The following CSNK1D variants were observed in gnomAD, a reference collection of about 807,000 sequenced individuals.
The protein encoded by CSNK1D is casein kinase 1 delta.
A neutral mutation model predicts 46.6 loss-of-function variants in CSNK1D; 16 were observed. The ratio of observed to expected loss-of-function variants is 0.34; its 90% confidence interval spans 0.23 to 0.52. CSNK1D has a LOEUF of 0.52. CSNK1D is among the 20% of genes least tolerant of loss of function. The pLI, the probability that CSNK1D is intolerant of heterozygous loss-of-function variation, is 0.95. For missense variants in CSNK1D, 398 were observed against 578.4 expected (o/e 0.69, Z 3.20); for synonymous variants, 276 against 228.2 (o/e 1.21, Z -1.89).
intron 8 of CSNK1D, chr17:82,247,899 A>T (rs1365994181): frequency 2.0e-6 from 2 of 985,334 alleles, no homozygotes; most frequent in South Asian, 9.4e-5. Context: ...CGTGCAGTAA[A>T]ACCCCAATCA....
chr17:82,264,093 C>T (rs970971548), intron 2 of CSNK1D, among the ~76,000 whole-genome samples: 4 of 152,256 alleles, frequency 2.6e-5, no homozygotes, highest in Admixed American at 2.0e-4. Flanking sequence ...GCACAGATTA[C>T]GTGCTTGTGC....
rs1354649209 is a variant in CSNK1D, at chr17:82,273,012, A to G, written c.76+294T>C. ...GCCCCTACCCAGGTCGGCTCCCCAG[A>G]GACCATGCCCCACCCCGGGTCAGCT... On this transcript the variant is annotated intron_variant, in intron 1 of 8. Transcript: ENST00000314028. The surrounding 1 kb of genome is among the most constrained non-coding windows in gnomAD (Gnocchi z 5.1). 3.2e-6 allele frequency: 1 copy of G among 309,220 alleles called. No individual in the cohort carries two copies. The highest frequency in any genetic ancestry group is 7.6e-5 in the East Asian group (1 of 13,210). 19.2% of individuals were successfully genotyped at this position (309,220 alleles called of 1,614,324 possible). A position where few individuals can be genotyped will look rare whatever the true frequency, so the allele number is the denominator to read the frequency against.
intron 2 of CSNK1D, among the ~76,000 whole-genome samples, chr17:82,258,820 G>T (rs1477717842): frequency 1.2e-4 from 18 of 152,196 alleles, no homozygotes; most frequent in Admixed American, 1.2e-3. Context: ...AACCCCTGAG[G>T]CCCGGTGTGC....
chr17:82,245,201 A>G (rs1599573409), intron 8 of CSNK1D: 1 of 434,608 alleles, frequency 2.3e-6, no homozygotes, highest in Non-Finnish European at 4.3e-6. Flanking sequence ...TCCTGTCAAC[A>G]CATTTCCAGA....
rs2051677663 is a variant in CSNK1D, at chr17:82,273,080, G to C, written c.76+226C>G. The C allele has an allele frequency of 3.5e-6, 1 of 288,864 alleles. No homozygotes were observed. The highest frequency in any genetic ancestry group is 6.1e-6 in the Non-Finnish European group (1 of 164,662). The allele number at this position is 288,864 out of a possible 1,614,324, so 17.9% of individuals were successfully genotyped here. ...CCCAACCCTCCCCTCTCCAGACCCTGCTCCCCCGACCTGGTCCTGCCCCTC... is the reference window on the plus strand; with the variant it reads ...CCCAACCCTCCCCTCTCCAGACCCTCCTCCCCCGACCTGGTCCTGCCCCTC... On this transcript the variant is annotated intron_variant, in intron 1 of 8. Transcript: ENST00000314028. The surrounding 1 kb of genome is among the most constrained non-coding windows in gnomAD (Gnocchi z 5.1).
Position 82,249,927 on chromosome 17 carries a change from C to A in CSNK1D, c.886-325G>T, listed in dbSNP as rs918938026. ...TGCTCTGTGAACATGCTCACTAACA[C>A]GTGCAGAAAGAGGAGAGGGACAGGA... On this transcript the variant is annotated intron_variant, in intron 6 of 8. Transcript: ENST00000314028. This position sits in a 1 kb window ranked among gnomAD's most constrained non-coding sequence, Gnocchi z 6.7. The A allele has an allele frequency of 6.9e-6, 9 of 1,301,424 alleles. No individual in the cohort carries two copies. The highest frequency in any genetic ancestry group is 8.9e-6 in the Non-Finnish European group (9 of 1,013,882). The allele number at this position is 1,301,424 out of a possible 1,614,324, so 80.6% of individuals were successfully genotyped here.
At position 82,244,372 on chromosome 17, in the gene CSNK1D, A is replaced by G; in HGVS notation, c.*409T>C. ...CAATAAAAAGACAGATTTTCTTTAC[A>G]CAGATTTAAGCCAATAATTTTTAGC... is the stretch of plus-strand genomic sequence containing the variant. On this transcript the variant is annotated 3_prime_UTR_variant, in exon 9 of 9. Transcript: ENST00000314028. 3 of 1,116,270 alleles carry G rather than the reference A, an allele frequency of 2.7e-6. No homozygotes were observed. Among genetic ancestry groups the G allele is most frequent in the Non-Finnish European group, 3.3e-6 (3 of 905,874 alleles). 69.1% of individuals were successfully genotyped at this position (1,116,270 alleles called of 1,614,324 possible).
Position 82,250,929 on chromosome 17 carries a change from A to G in CSNK1D, c.885+450T>C, listed in dbSNP as rs2050989747. The G allele has an allele frequency of 3.9e-6, 1 of 255,708 alleles. No homozygotes were observed. The allele number at this position is 255,708 out of a possible 1,614,324, so 15.8% of individuals were successfully genotyped here. Reference sequence around the variant, plus strand: ...CACTGCATACTCACACCGCATCAAGAAAGCCACAGGGAAAATCAGCTCATG... The same window carrying G: ...CACTGCATACTCACACCGCATCAAGGAAGCCACAGGGAAAATCAGCTCATG... On this transcript the variant is annotated intron_variant, in intron 6 of 8. Coordinates refer to ENST00000314028, the MANE Select transcript of CSNK1D (RefSeq NM_001893.6). The surrounding 1 kb of genome is among the most constrained non-coding windows in gnomAD (Gnocchi z 4.6).
chr17:82,244,414 G>GA lies in CSNK1D; in HGVS notation c.*366_*367insT. 8.2e-7 allele frequency: 1 copy of GA among 1,219,224 alleles called. No homozygotes were observed. The highest frequency in any genetic ancestry group is 1.9e-5 in the South Asian group (1 of 53,612). The allele number at this position is 1,219,224 out of a possible 1,614,324, so 75.5% of individuals were successfully genotyped here. A position where few individuals can be genotyped will look rare whatever the true frequency, so the allele number is the denominator to read the frequency against. Reference sequence around the variant, plus strand: ...ATTTTTAGCAAAATGATACAAAACTGTCTTAACCAAGTAGAAGATTGGTAG... The same window carrying GA: ...ATTTTTAGCAAAATGATACAAAACTGATCTTAACCAAGTAGAAGATTGGTAG... On this transcript the variant is annotated 3_prime_UTR_variant, in exon 9 of 9. Transcript: ENST00000314028.
At position 82,243,834 on chromosome 17, in the gene CSNK1D, C is replaced by T. The variant is rs575063287; in HGVS notation, c.*947G>A. ...AACAAACACTACAGTAACCACCTCTCGGTTCACAGTCCTCTCCCAAGGGAC... is the reference window on the plus strand; with the variant it reads ...AACAAACACTACAGTAACCACCTCTTGGTTCACAGTCCTCTCCCAAGGGAC... On this transcript the variant is annotated 3_prime_UTR_variant, in exon 9 of 9. Transcript: ENST00000314028. 9.1e-6 allele frequency: 9 copies of T among 985,564 alleles called. No homozygotes were observed. The highest frequency in any genetic ancestry group is 4.7e-5 in the South Asian group (1 of 21,308). 61.1% of individuals were successfully genotyped at this position (985,564 alleles called of 1,614,324 possible). A position where few individuals can be genotyped will look rare whatever the true frequency, so the allele number is the denominator to read the frequency against.
chr17:82,262,226 C>T (rs911654077), intron 2 of CSNK1D, among the ~76,000 whole-genome samples: 3 of 152,230 alleles, frequency 2.0e-5, no homozygotes, highest in African/African-American at 7.2e-5. Context: ...CTGAAGGCCA[C>T]GTAGGGTGGC....
At chr17:82,246,079 T>G in intron 8 of CSNK1D, 2 of 1,587,172 alleles carry the variant, frequency 1.3e-6, no homozygotes, top group Non-Finnish European at 8.6e-7. Context: ...AGCGTCCCGC[T>G]GGCCCCCTGA....
intron 2 of CSNK1D, among the ~76,000 whole-genome samples, chr17:82,260,240 T>A (rs567955359): frequency 1.3e-5 from 2 of 151,006 alleles, no homozygotes; most frequent in Admixed American, 6.6e-5. Context: ...CTGAGTGATG[T>A]GACTGATGGT....
intron 1 of CSNK1D, among the ~76,000 whole-genome samples, chr17:82,272,659 G>A (rs570247734): frequency 9.8e-5 from 15 of 152,320 alleles, no homozygotes; most frequent in African/African-American, 3.6e-4. Flanking sequence ...ACCCCCAGCG[G>A]GAGGGCAAGC....
chr17:82,251,323 T>G lies in CSNK1D; in HGVS notation c.885+56A>C. The G allele has an allele frequency of 6.2e-7, 1 of 1,610,212 alleles. No individual in the cohort carries two copies. On this transcript the variant is annotated intron_variant, in intron 6 of 8. Transcript: ENST00000314028. The surrounding 1 kb of genome is among the most constrained non-coding windows in gnomAD (Gnocchi z 4.5). ...AACAAGACGGCCGCCGGCCTCTCAC[T>G]GACAAGCCATCCCCCGCACACCACA...
At position 82,249,401 on chromosome 17, in the gene CSNK1D, G is replaced by A. The variant is rs1302784025; in HGVS notation, c.1057+30C>T. ...GACACAAGAAGTCACCCCAGAGCCA[G>A]CCCCAGAGCGCTGGGAGGGGGGCAC... On this transcript the variant is annotated intron_variant, in intron 7 of 8. Coordinates refer to ENST00000314028, the MANE Select transcript of CSNK1D (RefSeq NM_001893.6). The surrounding 1 kb of genome is among the most constrained non-coding windows in gnomAD (Gnocchi z 6.7). The A allele has an allele frequency of 2.6e-6, 4 of 1,532,140 alleles. No homozygotes were observed. Among genetic ancestry groups the A allele is most frequent in the Non-Finnish European group, 3.5e-6 (4 of 1,143,442 alleles). The allele number at this position is 1,532,140 out of a possible 1,614,324, so 94.9% of individuals were successfully genotyped here.
chr17:82,257,551 C>A lies in CSNK1D; in HGVS notation c.188-1974G>T, dbSNP rs547048172. On this transcript the variant is annotated intron_variant, in intron 2 of 8. Transcript: ENST00000314028. The stretch of plus-strand genomic sequence containing the variant: ...AAAGAACAAAACACACACCCTCACA[C>A]ATCACAGGGTGGTTTCCACAACACT... Among the ~76,000 whole-genome samples, 6 of 152,352 alleles carry A rather than the reference C, an allele frequency of 3.9e-5. No individual in the cohort carries two copies. The South Asian group carries it at 1.0e-3, about 26-fold the overall frequency.
chr17:82,254,481 G>A, intron 3 of CSNK1D: 2 of 254,970 alleles, frequency 7.8e-6, no homozygotes, highest in South Asian at 6.1e-5. Flanking sequence ...CCAGTGCGCT[G>A]AGCCGCCGGA....
chr17:82,252,733 C>G lies in CSNK1D; in HGVS notation c.566-129G>C. Reference sequence around the variant, plus strand: ...GCCCAGATCACTCCAGCTGGCACTTCCAGTGGAGACGAACCTCGGACACAC... The same window carrying G: ...GCCCAGATCACTCCAGCTGGCACTTGCAGTGGAGACGAACCTCGGACACAC... On this transcript the variant is annotated intron_variant, in intron 4 of 8. Transcript: ENST00000314028. This position sits in a 1 kb window ranked among gnomAD's most constrained non-coding sequence, Gnocchi z 4.6. 1.0e-6 allele frequency: 1 copy of G among 979,182 alleles called. No homozygotes were observed. Among genetic ancestry groups the G allele is most frequent in the South Asian group, 1.4e-5 (1 of 72,432 alleles). 60.7% of individuals were successfully genotyped at this position (979,182 alleles called of 1,614,324 possible). A position where few individuals can be genotyped will look rare whatever the true frequency, so the allele number is the denominator to read the frequency against.
Sources: gnomAD v4.1 joint callset for allele counts (sites outside exome capture counted in the v4.1 genomes callset) on GRCh38, gnomAD v4.1.1 for gene constraint, Gnocchi (gnomAD v3.1) non-coding constraint, MANE v1.5 for transcripts, NCBI Gene and HGNC (gene_info 2026-07-23, HGNC 2026-07-21) for gene names.